ATP2C2: variants seen among roughly 807,000 people sequenced by gnomAD.
The protein encoded by ATP2C2 is ATPase secretory pathway Ca2+ transporting 2.
A neutral mutation model predicts 110.8 loss-of-function variants in ATP2C2; 171 were observed. The observed-to-expected ratio is 1.54, with a 90% confidence interval of 1.36 to 1.75. ATP2C2 has a LOEUF of 1.75. Among genes scored for constraint, ATP2C2 ranks in the 40% most tolerant of loss-of-function variants. The probability of loss-of-function intolerance (pLI) is 0.00; values close to 1 mark genes in which losing one functional copy is unlikely to be tolerated. For missense variants in ATP2C2, 1,963 were observed against 1,235.0 expected, an observed-to-expected ratio of 1.59 and a Z score of -8.84; for synonymous variants, 804 against 508.4, an observed-to-expected ratio of 1.58 and a Z score of -7.82.
chr16:84,460,474 A>G, intron 23 of ATP2C2, 180 bp from the exon 24 acceptor site: 4 of 827,392 alleles, frequency 4.8e-6, no homozygotes, highest in Non-Finnish European at 8.0e-6. Flanking sequence ...CCATGGACCC[A>G]GGCTCTGGGG....
Position 84,446,424 on chromosome 16 carries a change from G to T in ATP2C2, c.1497G>T (p.Lys499Asn). The change falls in exon 16 of 27, where the codon AAG becomes AAT. Residue 499 changes from lysine (K) to asparagine (N), a missense_variant. Transcript: ENST00000262429. ...GGATGGCGGTGAAATGCAGTCTGAA[G>T]ACTGAGGTGAGACCTTTCAATCTTC... The part of the protein sequence containing the change: ...QKWMAVKCSL[K>N]TEDQEDIYFM... The T allele has an allele frequency of 6.3e-7, 1 of 1,597,862 alleles. No homozygotes were observed. Among genetic ancestry groups the T allele is most frequent in the African/African-American group, 1.4e-5 (1 of 73,966 alleles).
chr16:84,405,640 C>T lies in ATP2C2; in HGVS notation c.327+396C>T, dbSNP rs1905699009. Among the ~76,000 whole-genome samples the T allele has an allele frequency of 2.6e-5, 4 of 152,304 alleles. No homozygotes were observed. In the South Asian group the frequency reaches 6.2e-4, roughly 24 times the overall value. On this transcript the variant is annotated intron_variant, in intron 3 of 26. Transcript: ENST00000262429. ...TGCCCTGTTAAATTTCAATTTCAGG[C>T]TGGGCGTGGTGGCTCGTGCCTGTAA...
At chr16:84,461,651 T>G in intron 24 of ATP2C2, 63 bp from the exon 25 acceptor site, 1 of 1,467,888 alleles carries the variant, frequency 6.8e-7, no homozygotes, top group Non-Finnish European at 9.5e-7. Flanking sequence ...GCCTGTGCCC[T>G]TTGGTTCAGG....
At chr16:84,405,040 C>A (rs757348523) in intron 2 of ATP2C2, 88 bp from the exon 3 acceptor site, 1 of 1,113,494 alleles carries the variant, frequency 9.0e-7, no homozygotes, top group South Asian at 1.2e-5. Flanking sequence ...TCATGGAAGC[C>A]GCTGCCTTTC....
At chr16:84,417,648 T>C (rs1244294165) in intron 7 of ATP2C2, among the ~76,000 whole-genome samples, 1 of 152,170 alleles carries the variant, frequency 6.6e-6, no homozygotes, top group Non-Finnish European at 1.5e-5. Context: ...TCCCAATACT[T>C]TGGGCAGCCA....
Position 84,422,518 on chromosome 16 carries a change from G to T in ATP2C2, c.753G>T (p.Leu251=), listed in dbSNP as rs1292773729. The change falls in exon 8 of 27, where the codon CTG becomes CTT. Residue 251 remains leucine, a synonymous_variant. Transcript: ENST00000262429. ...TLSNIVFMGT[L]VQYGRGQGVV... ...GCAACATCGTCTTCATGGGGACCCTGGTGCAGTATGGGAGGGGCCAGGTAA... is the reference window on the plus strand; with the variant it reads ...GCAACATCGTCTTCATGGGGACCCTTGTGCAGTATGGGAGGGGCCAGGTAA... The T allele has an allele frequency of 1.2e-6, 2 of 1,614,120 alleles. No individual in the cohort carries two copies. Among genetic ancestry groups the T allele is most frequent in the South Asian group, 2.2e-5 (2 of 91,072 alleles).
chr16:84,442,680 A>C (rs1909381526), intron 15 of ATP2C2, 81 bp downstream of exon 15: 5 of 1,351,440 alleles, frequency 3.7e-6, no homozygotes, highest in Non-Finnish European at 5.3e-6. Flanking sequence ...CTCCTGTCTG[A>C]GCTAACAGGA....
chr16:84,383,602 C>T (rs1307748085), intron 1 of ATP2C2, among the ~76,000 whole-genome samples: 14 of 152,140 alleles, frequency 9.2e-5, no homozygotes, highest in Non-Finnish European at 2.1e-4. Context: ...AGCACAAACA[C>T]TATAGCACAT....
At chr16:84,438,971 C>T (rs1156795915) in intron 11 of ATP2C2, 195 bp from the exon 12 acceptor site, 1 of 670,058 alleles carries the variant, frequency 1.5e-6, no homozygotes, top group South Asian at 2.3e-5. Context: ...AGAGCGGGGT[C>T]TGCAGGGGAG....
At chr16:84,453,047 T>A (rs916217701) in intron 18 of ATP2C2, 91 bp from the exon 19 acceptor site, 7 of 1,320,856 alleles carry the variant, frequency 5.3e-6, no homozygotes, top group Non-Finnish European at 7.4e-6. Context: ...ATGGTTTTAT[T>A]CTTGGTGTTC....
At chr16:84,401,374 A>G (rs775171078) in intron 2 of ATP2C2, among the ~76,000 whole-genome samples, 6 of 151,972 alleles carry the variant, frequency 3.9e-5, no homozygotes, top group Non-Finnish European at 8.8e-5. Flanking sequence ...ACAGGCATGC[A>G]CAACCACATC....
intron 4 of ATP2C2, among the ~76,000 whole-genome samples, 178 bp downstream of exon 4, chr16:84,408,672 G>C (rs1365414130): frequency 1.3e-5 from 2 of 152,064 alleles, no homozygotes; most frequent in Admixed American, 6.5e-5. Context: ...AAGGTGCCCT[G>C]GTTTATTCGG....
intron 13 of ATP2C2, among the ~76,000 whole-genome samples, chr16:84,439,842 G>C (rs562884045): frequency 9.2e-5 from 14 of 152,226 alleles, no homozygotes; most frequent in African/African-American, 3.1e-4. Context: ...TGGTTTGTTT[G>C]TTTGTTTGTG....
Position 84,422,458 on chromosome 16 carries a change from C to A in ATP2C2, c.693C>A (p.Ser231Arg). 1 of 1,614,152 alleles carries A rather than the reference C, an allele frequency of 6.2e-7. No homozygotes were observed. The highest frequency in any genetic ancestry group is 1.1e-5 in the South Asian group (1 of 91,070). Residue 231 changes from serine to arginine, a missense_variant, in exon 8 of 27, where the codon AGC becomes AGA. Transcript: ENST00000262429. ...GEAEPCSKTD[S>R]PLTGGGDLTT... ...CCGAGCCATGTAGTAAAACAGACAG[C>A]CCCTTGACAGGCGGTGGGGACCTCA...
At chr16:84,423,764 G>A (rs144248220) in intron 10 of ATP2C2, among the ~76,000 whole-genome samples, 52 of 152,328 alleles carry the variant, frequency 3.4e-4, no homozygotes, top group African/African-American at 1.1e-3. Context: ...GGAGTCACAT[G>A]GCCTACATAA....
intron 23 of ATP2C2, 56 bp downstream of exon 23, chr16:84,459,442 T>C: frequency 6.2e-7 from 1 of 1,604,120 alleles, no homozygotes. Context: ...CGGGGCTTCC[T>C]CCAGGGGCTG....
At position 84,463,817 on chromosome 16, in the gene ATP2C2, C is replaced by A; in HGVS notation, c.*85C>A. The A allele has an allele frequency of 1.7e-6, 2 of 1,210,918 alleles. No individual in the cohort carries two copies. Among genetic ancestry groups the A allele is most frequent in the Non-Finnish European group, 2.4e-6 (2 of 827,428 alleles). The allele number at this position is 1,210,918 out of a possible 1,614,324, so 75.0% of individuals were successfully genotyped here. On this transcript the variant is annotated 3_prime_UTR_variant, in exon 27 of 27. Transcript: ENST00000262429. ...TGCCGTGTCTCCTCGTCAGGGGAGA[C>A]TTTTAGGAGGCCGCAGCCTTCCATC...
At chr16:84,419,783 C>G (rs775426636) in intron 7 of ATP2C2, among the ~76,000 whole-genome samples, 3 of 152,138 alleles carry the variant, frequency 2.0e-5, no homozygotes, top group African/African-American at 4.8e-5. Flanking sequence ...TCCCTGTGCT[C>G]GTGAGTTTAT....
intron 3 of ATP2C2, among the ~76,000 whole-genome samples, chr16:84,407,865 A>G (rs1027931373): frequency 6.6e-6 from 1 of 152,234 alleles, no homozygotes; most frequent in African/African-American, 2.4e-5. Context: ...ATCCTCTGTA[A>G]CATGAGCTAC....
Sources: allele counts gnomAD v4.1 joint callset (sites outside exome capture counted in the v4.1 genomes callset), GRCh38; gene constraint gnomAD v4.1.1; transcripts MANE v1.5; gene names NCBI Gene and HGNC (gene_info 2026-07-23, HGNC 2026-07-21).